The following B4GALT4 variants were observed in gnomAD, a reference collection of about 807,000 sequenced individuals.
B4GALT4 encodes the protein N-acetyllactosamine synthase.
In B4GALT4, 27 loss-of-function variants were observed where a neutral mutation model predicts 37.3. The observed-to-expected ratio is 0.72, with a 90% CI of 0.53 to 1.00. B4GALT4 has a LOEUF of 1.00. Ranked by LOEUF, B4GALT4 falls within the 50% of genes least tolerant of loss-of-function variation. The pLI, the probability that B4GALT4 is intolerant of heterozygous loss-of-function variation, is 0.00. For missense variants in B4GALT4, 372 were observed against 413.1 expected (o/e 0.90, Z 0.86); for synonymous variants, 148 against 154.1 (o/e 0.96, Z 0.29).
chr3:119,236,540 TA>T (rs1228470992), intron 2 of B4GALT4, among the ~76,000 whole-genome samples: 1 of 152,210 alleles, frequency 6.6e-6, no homozygotes, highest in African/African-American at 2.4e-5. Context: ...GATAGTAAAT[TA>T]ACTTAATTCT....
chr3:119,231,545 A>G (rs1389996468), intron 2 of B4GALT4, among the ~76,000 whole-genome samples: 1 of 152,078 alleles, frequency 6.6e-6, no homozygotes, highest in Admixed American at 6.6e-5. Context: ...CTTAAATGAC[A>G]AAAAGAAAAA....
intron 1 of B4GALT4, among the ~76,000 whole-genome samples, chr3:119,238,760 TCCC>T: frequency 6.6e-6 from 1 of 152,142 alleles, no homozygotes; most frequent in Admixed American, 6.5e-5. Context: ...TTGCAACATA[TCCC>T]CCAAGAATAA....
chr3:119,229,303 C>T (rs1022353898), intron 3 of B4GALT4, among the ~76,000 whole-genome samples: 7 of 152,134 alleles, frequency 4.6e-5, no homozygotes, highest in Admixed American at 2.0e-4. Flanking sequence ...GATCAATGGA[C>T]GCTACTAATG....
At chr3:119,220,118 T>G (rs1233209674) in intron 5 of B4GALT4, among the ~76,000 whole-genome samples, 1 of 152,260 alleles carries the variant, frequency 6.6e-6, no homozygotes, top group Non-Finnish European at 1.5e-5. Flanking sequence ...GCAGATTTAC[T>G]TATATGCCCC....
chr3:119,227,705 G>A (rs967887597), intron 3 of B4GALT4, among the ~76,000 whole-genome samples: 2 of 152,178 alleles, frequency 1.3e-5, no homozygotes, highest in African/African-American at 2.4e-5. Flanking sequence ...GCCATCCACA[G>A]GAGGAAAACA....
At chr3:119,230,603 C>T (rs1406283363) in intron 2 of B4GALT4, among the ~76,000 whole-genome samples, 1 of 152,172 alleles carries the variant, frequency 6.6e-6, no homozygotes, top group Admixed American at 6.5e-5. Context: ...CCCTTCCTGG[C>T]ACAGTTTTAA....
At chr3:119,225,181 G>A (rs182650432) in intron 4 of B4GALT4, among the ~76,000 whole-genome samples, 46 of 152,244 alleles carry the variant, frequency 3.0e-4, no homozygotes, top group Admixed American at 1.4e-3. Context: ...AGGTAGATTC[G>A]TCACTGGGCA....
intron 3 of B4GALT4, 50 bp from the exon 4 acceptor site, chr3:119,227,091 G>A (rs758880825): frequency 6.5e-7 from 1 of 1,545,024 alleles, no homozygotes; most frequent in Non-Finnish European, 8.9e-7. Context: ...TTCAAAAAGT[G>A]TTGAGGTTTA....
intron 3 of B4GALT4, among the ~76,000 whole-genome samples, chr3:119,228,224 G>A (rs1013446538): frequency 2.6e-5 from 4 of 152,144 alleles, no homozygotes; most frequent in Non-Finnish European, 5.9e-5. Context: ...AGAGCCTCAC[G>A]CAACAGGTCT....
intron 4 of B4GALT4, among the ~76,000 whole-genome samples, chr3:119,224,729 T>G (rs1410681176): frequency 6.6e-6 from 1 of 152,210 alleles, no homozygotes. Flanking sequence ...AATTAAAAAT[T>G]TTTTAAAAGC....
intron 2 of B4GALT4, chr3:119,232,965 G>C (rs1237134915): frequency 6.6e-6 from 1 of 151,984 alleles, no homozygotes; most frequent in East Asian, 1.9e-4. Context: ...GCACCACTAC[G>C]CCCAGTTAAT....
At position 119,212,292 on chromosome 3, in the gene B4GALT4, T is replaced by C; in HGVS notation, c.*257A>G. The C allele has an allele frequency of 2.9e-6, 2 of 694,610 alleles. No homozygotes were observed. The highest frequency in any genetic ancestry group is 1.5e-5 in the South Asian group (1 of 66,224). The allele number at this position is 694,610 out of a possible 1,614,324, so 43.0% of individuals were successfully genotyped here. A position where few individuals can be genotyped will look rare whatever the true frequency, so the allele number is the denominator to read the frequency against. ...GTTCATTTTATCCTTTGAGTCATCC[T>C]TTTATATAAAGTCCTTCAAGTATCC... On this transcript the variant is annotated 3_prime_UTR_variant, in exon 8 of 8. Coordinates refer to ENST00000393765, the MANE Select transcript of B4GALT4 (RefSeq NM_003778.4).
chr3:119,214,710 C>A (rs1325154607), intron 7 of B4GALT4: 1 of 152,018 alleles, frequency 6.6e-6, no homozygotes, highest in African/African-American at 2.4e-5. Flanking sequence ...CCCAGAGTAC[C>A]CAAATACATG....
intron 1 of B4GALT4, among the ~76,000 whole-genome samples, chr3:119,239,784 A>T (rs2079092902): frequency 6.6e-6 from 1 of 152,148 alleles, no homozygotes; most frequent in Non-Finnish European, 1.5e-5. Context: ...AACCTGCTCT[A>T]GAAGACAAAA....
chr3:119,218,848 G>A, intron 5 of B4GALT4, 76 bp from the exon 6 acceptor site: 1 of 1,554,938 alleles, frequency 6.4e-7, no homozygotes, highest in Non-Finnish European at 8.8e-7. Flanking sequence ...GGCGTTCTAG[G>A]AACACCTGGG....
At chr3:119,217,605 C>T (rs933028850) in intron 6 of B4GALT4, among the ~76,000 whole-genome samples, 3 of 152,164 alleles carry the variant, frequency 2.0e-5, no homozygotes, top group Admixed American at 2.0e-4. Context: ...CTTTGGGAGG[C>T]CAAGGCAGAC....
intron 5 of B4GALT4, among the ~76,000 whole-genome samples, chr3:119,219,816 C>T (rs1018960291): frequency 2.0e-5 from 3 of 152,186 alleles, no homozygotes; most frequent in African/African-American, 7.2e-5. Context: ...TTAAATATAA[C>T]ATTTGAACAA....
intron 1 of B4GALT4, chr3:119,240,419 T>C (rs1419992393): frequency 3.3e-5 from 5 of 152,254 alleles, no homozygotes; most frequent in Non-Finnish European, 5.9e-5. Context: ...TGGTGTCAGC[T>C]GATCAGTTTC....
At chr3:119,238,979 C>T (rs1301599588) in intron 1 of B4GALT4, among the ~76,000 whole-genome samples, 1 of 152,172 alleles carries the variant, frequency 6.6e-6, no homozygotes, top group African/African-American at 2.4e-5. Flanking sequence ...TTTGAAATGC[C>T]TATTCCCAGG....
Sources: allele counts gnomAD v4.1 joint callset (sites outside exome capture counted in the v4.1 genomes callset), GRCh38; gene constraint gnomAD v4.1.1; transcripts MANE v1.5; gene names NCBI Gene and HGNC (gene_info 2026-07-23, HGNC 2026-07-21).